The following CBLC variants were observed in gnomAD, a reference collection of about 807,000 sequenced individuals.
CBLC encodes E3 ubiquitin-protein ligase CBL-C.
In CBLC, 46 loss-of-function variants were observed where a neutral mutation model predicts 58.6. That is an observed-to-expected ratio of 0.79 (90% CI 0.62 to 1.00). The LOEUF (loss-of-function observed/expected upper bound fraction) is 1.00. Ranked by LOEUF, CBLC falls within the 50% of genes least tolerant of loss-of-function variation. CBLC has a pLI of 0.00. For synonymous variants in CBLC, 271 were observed against 264.2 expected (o/e 1.03, Z -0.25); for missense variants, 655 against 625.8 (o/e 1.05, Z -0.50).
chr19:44,793,335 C>T (rs558204859), intron 7 of CBLC, 139 bp from the exon 8 acceptor site: 75 of 941,198 alleles, frequency 8.0e-5, no homozygotes, highest in East Asian at 8.6e-5. Context: ...CTGCTCTCCA[C>T]GACTCTTCTC....
chr19:44,783,043 G>A (rs1356447747), intron 4 of CBLC, among the ~76,000 whole-genome samples: 1 of 152,034 alleles, frequency 6.6e-6, no homozygotes, highest in African/African-American at 2.4e-5. Context: ...ACTTATTTAA[G>A]GGAAAAGAAA....
At chr19:44,781,406 G>T (rs1366588847) in intron 3 of CBLC, 43 bp downstream of exon 3, 5 of 1,572,954 alleles carry the variant, frequency 3.2e-6, no homozygotes. Context: ...GGGTCCAGGA[G>T]GAAGTAGAGG....
At position 44,800,433 on chromosome 19, in the gene CBLC, C is replaced by T; in HGVS notation, c.1415C>T (p.Ala472Val). ...GCTGCGCTGGGACCCCAGGACCCTG[C>T]CCCGGCCTGAAGGCCAGGTGAGTCC... ...PPAALGPQDP[A>V]PA Residue 472 changes from alanine (A) to valine (V), a missense_variant, in exon 10 of 11, where the codon GCC (alanine) becomes GTC (valine). Physicochemically the swap from Ala to Val is moderately conservative, Grantham distance 64 (BLOSUM62 0). Transcript: ENST00000647358. 6.2e-7 allele frequency: 1 copy of T among 1,612,112 alleles called. No homozygotes were observed. The highest frequency in any genetic ancestry group is 8.5e-7 in the Non-Finnish European group (1 of 1,178,304).
At chr19:44,783,450 A>C (rs1365101900) in intron 4 of CBLC, among the ~76,000 whole-genome samples, 1 of 152,058 alleles carries the variant, frequency 6.6e-6, no homozygotes, top group Non-Finnish European at 1.5e-5. Context: ...TGGAGGTTGC[A>C]GTGAGCCAAG....
intron 5 of CBLC, among the ~76,000 whole-genome samples, chr19:44,789,371 A>G (rs1967988752): frequency 6.6e-6 from 1 of 151,934 alleles, no homozygotes. Flanking sequence ...GGCGTGGAGA[A>G]GGGTGAGGTT....
chr19:44,792,819 CT>C (rs1396956072), intron 7 of CBLC, among the ~76,000 whole-genome samples: 1 of 152,154 alleles, frequency 6.6e-6, no homozygotes, highest in Non-Finnish European at 1.5e-5. Flanking sequence ...GCCTCGTCCC[CT>C]GGAGAACGGG....
chr19:44,788,479 C>CTTTTT (rs1293573931), intron 5 of CBLC, among the ~76,000 whole-genome samples: 1 of 118,584 alleles, frequency 8.4e-6, no homozygotes, highest in Admixed American at 8.6e-5. Context: ...TTTAAAATTT[C>CTTTTT]TTTTTTTTTT....
Position 44,793,599 on chromosome 19 carries a change from C to T in CBLC, c.1263C>T (p.Gly421=). Residue 421 remains glycine (G), a synonymous_variant, in exon 8 of 11, where the codon GGC becomes GGT. Coordinates refer to ENST00000647358, the MANE Select transcript of CBLC (RefSeq NM_012116.4). ...EDSGNSSDQE[G]RELELGQVPL... ...CAGGGAACAGCAGTGACCAGGAAGG[C>T]AGGGAGTTGGAGCTGGGGCAGGTGA... 2 of 1,605,244 alleles carry T rather than the reference C, an allele frequency of 1.2e-6. No homozygotes were observed. The highest frequency in any genetic ancestry group is 1.7e-6 in the Non-Finnish European group (2 of 1,176,968).
Position 44,790,184 on chromosome 19 carries a change from T to A in CBLC, c.1005+93T>A, listed in dbSNP as rs1227437814. 7.5e-6 allele frequency: 7 copies of A among 935,032 alleles called. No individual in the cohort carries two copies. In the African/African-American group the frequency reaches 9.7e-5, roughly 13 times the overall value. The allele number at this position is 935,032 out of a possible 1,614,324, so 57.9% of individuals were successfully genotyped here. A position where few individuals can be genotyped will look rare whatever the true frequency, so the allele number is the denominator to read the frequency against. The stretch of plus-strand genomic sequence containing the variant: ...AGAGGCCTGGGGTTGGAATGTTGGC[T>A]TGGTGGCTCTGTGACCTTGGGTAAA... On this transcript the variant is annotated intron_variant, in intron 6 of 10. Transcript: ENST00000647358.
At chr19:44,794,432 G>C in intron 9 of CBLC, 151 bp downstream of exon 9, 2 of 244,278 alleles carry the variant, frequency 8.2e-6, no homozygotes, top group Non-Finnish European at 7.9e-6. Flanking sequence ...CTCTTCCCTT[G>C]TTTTCATTCC....
chr19:44,785,778 A>G (rs547836913), intron 5 of CBLC, among the ~76,000 whole-genome samples: 1 of 152,108 alleles, frequency 6.6e-6, no homozygotes, highest in Admixed American at 6.6e-5. Context: ...TCTACTAAAA[A>G]TTAAAAAAAA....
At chr19:44,782,528 G>C in intron 4 of CBLC, 37 bp downstream of exon 4, 1 of 1,568,694 alleles carries the variant, frequency 6.4e-7, no homozygotes. Context: ...AAGGCTGCAG[G>C]GCTCAGGGAT....
At chr19:44,790,673 C>T (rs751205067) in intron 6 of CBLC, among the ~76,000 whole-genome samples, 26 of 152,062 alleles carry the variant, frequency 1.7e-4, no homozygotes, top group Admixed American at 5.9e-4. Context: ...TAGGTTCCAG[C>T]AATCCTCCCG....
chr19:44,791,133 A>G (rs1968035238), intron 6 of CBLC, among the ~76,000 whole-genome samples: 1 of 151,764 alleles, frequency 6.6e-6, no homozygotes. Flanking sequence ...AAGAAAAAAA[A>G]AAAGAAAGAA....
At position 44,800,649 on chromosome 19, in the gene CBLC, G is replaced by T; in HGVS notation, c.*106G>T. On this transcript the variant is annotated 3_prime_UTR_variant, in exon 11 of 11. Coordinates refer to ENST00000647358, the MANE Select transcript of CBLC (RefSeq NM_012116.4). ...CCTGGTCTGTCCTCCAGGGTGCAAAGGAAGAGTGCAGTGGCCAGCAGGGGG... is the reference window on the plus strand; with the variant it reads ...CCTGGTCTGTCCTCCAGGGTGCAAATGAAGAGTGCAGTGGCCAGCAGGGGG... The T allele has an allele frequency of 1.9e-6, 1 of 529,146 alleles. No individual in the cohort carries two copies. 32.8% of individuals were successfully genotyped at this position (529,146 alleles called of 1,614,324 possible).
chr19:44,784,960 T>TTTTTG (rs1967854700), intron 5 of CBLC, among the ~76,000 whole-genome samples: 1 of 91,588 alleles, frequency 1.1e-5, no homozygotes, highest in Admixed American at 1.2e-4. Context: ...GTTTTTTTTT[T>TTTTTG]TTTTTTTTTT....
At position 44,792,367 on chromosome 19, in the gene CBLC, T is replaced by G. The variant is rs1331960335; in HGVS notation, c.1006-16T>G. ...CGCATGCCCCTCGCTGTCTTCTCTA[T>G]CCTCTCACCTGCCAGGAGCAGCTGC... On this transcript the variant is annotated splice_polypyrimidine_tract_variant and intron_variant, in intron 6 of 10. Coordinates refer to ENST00000647358, the MANE Select transcript of CBLC (RefSeq NM_012116.4). 4 of 1,612,818 alleles carry G rather than the reference T, an allele frequency of 2.5e-6. No individual in the cohort carries two copies. The Admixed American group carries it at 6.7e-5, about 27-fold the overall frequency.
At chr19:44,788,123 CT>C (rs1334441622) in intron 5 of CBLC, among the ~76,000 whole-genome samples, 1 of 150,142 alleles carries the variant, frequency 6.7e-6, no homozygotes, top group Non-Finnish European at 1.5e-5. Flanking sequence ...TTTGGTGGTT[CT>C]TTTTTTTTCT....
intron 6 of CBLC, among the ~76,000 whole-genome samples, chr19:44,791,531 G>T (rs1242167981): frequency 2.6e-5 from 4 of 151,912 alleles, no homozygotes; most frequent in African/African-American, 9.7e-5. Context: ...TCAGGAGTTC[G>T]AGACTAGCAT....
Sources: gnomAD v4.1 joint callset for allele counts (sites outside exome capture counted in the v4.1 genomes callset) on GRCh38, gnomAD v4.1.1 for gene constraint, MANE v1.5 for transcripts, NCBI Gene and HGNC (gene_info 2026-07-23, HGNC 2026-07-21) for gene names.